FAM110C: variants seen among roughly 807,000 people sequenced by gnomAD.
FAM110C encodes family with sequence similarity 110 member C, also known as protein FAM110C.
Under a neutral mutation model 15.7 loss-of-function variants are expected in FAM110C, and 19 were observed. That is an observed-to-expected ratio of 1.21 (90% CI 0.85 to 1.78). The LOEUF is 1.78. Among genes scored for constraint, FAM110C ranks in the 40% most tolerant of loss-of-function variants. The pLI, the probability that FAM110C is intolerant of heterozygous loss-of-function variation, is 0.00. For missense variants in FAM110C, 547 were observed against 495.7 expected (o/e 1.10, Z -0.98); for synonymous variants, 275 against 233.9 (o/e 1.18, Z -1.61).
Position 41,470 on chromosome 2 carries a change from T to C in FAM110C, c.*138A>G. On this transcript the variant is annotated 3_prime_UTR_variant, in exon 2 of 2. Coordinates refer to ENST00000327669, the MANE Select transcript of FAM110C (RefSeq NM_001077710.3). ...TGTTCCCATATTCTCTGTAGTATTT[T>C]AAACCTTCTCAGAGCACTTGTTTTG... 1 of 957,182 alleles carries C rather than the reference T, an allele frequency of 1.0e-6. No homozygotes were observed. The highest frequency in any genetic ancestry group is 2.5e-5 in the Admixed American group (1 of 39,800). 59.3% of individuals were successfully genotyped at this position (957,182 alleles called of 1,614,324 possible).
At chr2:42,821 C>G (rs1163734763) in intron 1 of FAM110C, 1 of 985,256 alleles carries the variant, frequency 1.0e-6, no homozygotes, top group Non-Finnish European at 1.2e-6. Context: ...TTGTTCGTCT[C>G]AAGTTTTCTG....
chr2:43,768 G>T (rs1664193466), intron 1 of FAM110C: 2 of 985,392 alleles, frequency 2.0e-6, no homozygotes, highest in Non-Finnish European at 2.4e-6. Flanking sequence ...GCCTGCACAT[G>T]CTATGGCTAC....
At chr2:43,831 T>A in intron 1 of FAM110C, 1 of 985,446 alleles carries the variant, frequency 1.0e-6, no homozygotes, top group South Asian at 4.7e-5. Context: ...ATAGACAACT[T>A]TTTTTTGTTT....
At position 45,648 on chromosome 2, in the gene FAM110C, G is replaced by A. The variant is rs577537646; in HGVS notation, c.738C>T (p.Leu246=). 14 of 1,612,246 alleles carry A rather than the reference G, an allele frequency of 8.7e-6. 1 individual carries two copies. In the South Asian group the frequency reaches 1.4e-4, roughly 16 times the overall value. Residue 246 remains leucine (L), a synonymous_variant, in exon 1 of 2, where the codon CTC becomes CTT. Coordinates refer to ENST00000327669, the MANE Select transcript of FAM110C (RefSeq NM_001077710.3). ...NFTAGSDCVT[L]KVRSVSVATS... ...TGGCGACGCTCACGCTGCGCACCTT[G>A]AGGGTCACACAGTCCGACCCCGCGG...
rs1243591996 is a variant in FAM110C, at chr2:45,618, G to A, written c.768C>T (p.Ser256=). 5 of 1,613,062 alleles carry A rather than the reference G, an allele frequency of 3.1e-6. No homozygotes were observed. Among genetic ancestry groups the A allele is most frequent in the African/African-American group, 2.7e-5 (2 of 74,928 alleles). Reference sequence around the variant, plus strand: ...CGCTGTGCCGGGAGAAGCCGCTGCCGGAGGTGGCGACGCTCACGCTGCGCA... The same window carrying A: ...CGCTGTGCCGGGAGAAGCCGCTGCCAGAGGTGGCGACGCTCACGCTGCGCA... The part of the protein sequence containing the change: ...LKVRSVSVAT[S]GSGFSRHSGG... Residue 256 remains serine, a synonymous_variant, in exon 1 of 2, where the codon TCC becomes TCT. Coordinates refer to ENST00000327669, the MANE Select transcript of FAM110C (RefSeq NM_001077710.3).
chr2:44,623 G>A, intron 1 of FAM110C: 1 of 985,414 alleles, frequency 1.0e-6, no homozygotes, highest in Non-Finnish European at 1.2e-6. Context: ...CGCCCATAGG[G>A]AAGAGCAGGT....
chr2:45,915 G>A lies in FAM110C; in HGVS notation c.471C>T (p.Gly157=). The change falls in exon 1 of 2, where the codon GGC becomes GGT. Residue 157 remains glycine (G), a synonymous_variant. Transcript: ENST00000327669. The part of the protein sequence containing the change: ...GNPETVPTTP[G]PAADPAIPET... Reference sequence around the variant, plus strand: ...CGGGGATTGCGGGGTCCGCCGCGGGGCCAGGAGTGGTCGGGACCGTCTCCG... The same window carrying A: ...CGGGGATTGCGGGGTCCGCCGCGGGACCAGGAGTGGTCGGGACCGTCTCCG... The A allele has an allele frequency of 1.4e-6, 2 of 1,423,612 alleles. No homozygotes were observed. Among genetic ancestry groups the A allele is most frequent in the Non-Finnish European group, 1.8e-6 (2 of 1,103,080 alleles). 88.2% of individuals were successfully genotyped at this position (1,423,612 alleles called of 1,614,324 possible).
In FAM110C at chr2:39,782, C is replaced by G. The variant is rs1286545631; in HGVS notation, c.*1826G>C. 6.6e-6 allele frequency: 1 copy of G among 152,204 alleles called. No individual in the cohort carries two copies. The highest frequency in any genetic ancestry group is 6.5e-5 in the Admixed American group (1 of 15,280). 9.4% of individuals were successfully genotyped at this position (152,204 alleles called of 1,614,324 possible). ...TGTTCTGACAGTAGAAAGGCATACA[C>G]ACTTTTACTTAAAGCTTTCATATCT... On this transcript the variant is annotated 3_prime_UTR_variant, in exon 2 of 2. Transcript: ENST00000327669.
Position 45,644 on chromosome 2 carries a change from C to A in FAM110C, c.742G>T (p.Val248Leu). Reference sequence around the variant, plus strand: ...GAGGTGGCGACGCTCACGCTGCGCACCTTGAGGGTCACACAGTCCGACCCC... The same window carrying A: ...GAGGTGGCGACGCTCACGCTGCGCAACTTGAGGGTCACACAGTCCGACCCC... ...TAGSDCVTLK[V>L]RSVSVATSGS... The change falls in exon 1 of 2, where the codon GTG (valine) becomes TTG (leucine). Residue 248 changes from valine to leucine, a missense_variant. Transcript: ENST00000327669. 1 of 1,612,406 alleles carries A rather than the reference C, an allele frequency of 6.2e-7. No homozygotes were observed. The highest frequency in any genetic ancestry group is 1.1e-5 in the South Asian group (1 of 90,912).
chr2:45,280 A>C (rs1413798743), intron 1 of FAM110C, 160 bp downstream of exon 1: 1 of 985,246 alleles, frequency 1.0e-6, no homozygotes, highest in Admixed American at 6.1e-5. Context: ...CTCAACTCAC[A>C]AGCCTCTGCG....
At chr2:42,063 G>A (rs1278999007) in intron 1 of FAM110C, 8 of 985,402 alleles carry the variant, frequency 8.1e-6, no homozygotes, top group Non-Finnish European at 9.6e-6. Context: ...AGGCCCAGGC[G>A]CGGGTCACAC....
chr2:41,867 C>T lies in FAM110C; in HGVS notation c.947-240G>A, dbSNP rs545766786. The stretch of plus-strand genomic sequence containing the variant: ...CCATCTCCCTGCAGGCCTTTTTCTG[C>T]GCTTTAAAAATTTCTCTTTGCCTCC... On this transcript the variant is annotated intron_variant, in intron 1 of 1. Transcript: ENST00000327669. 1.4e-4 allele frequency: 135 copies of T among 985,336 alleles called. 1 individual carries two copies. The highest frequency in any genetic ancestry group is 9.2e-4 in the African/African-American group (53 of 57,336). 61.0% of individuals were successfully genotyped at this position (985,336 alleles called of 1,614,324 possible).
Position 39,070 on chromosome 2 carries a change from A to G in FAM110C, c.*2538T>C, listed in dbSNP as rs949648782. On this transcript the variant is annotated 3_prime_UTR_variant, in exon 2 of 2. Transcript: ENST00000327669. ...AGTTTAAAACATTCTATTATGTTTA[A>G]TTACATTTTGAAAAATTGTCGTTCT... 3.3e-5 allele frequency: 5 copies of G among 152,234 alleles called. No homozygotes were observed. Among genetic ancestry groups the G allele is most frequent in the Admixed American group, 2.0e-4 (3 of 15,280 alleles). 9.4% of individuals were successfully genotyped at this position (152,234 alleles called of 1,614,324 possible).
rs1664064988 is a variant in FAM110C at position 39,256 on chromosome 2, T to G, written c.*2352A>C. 6.6e-6 allele frequency: 1 copy of G among 152,194 alleles called. No individual in the cohort carries two copies. Among genetic ancestry groups the G allele is most frequent in the Non-Finnish European group, 1.5e-5 (1 of 68,034 alleles). 9.4% of individuals were successfully genotyped at this position (152,194 alleles called of 1,614,324 possible). ...GGTTTAGGCAAGAAGTTCTTTAGTT[T>G]TACTTTTTATATATATTTTTAGAGA... On this transcript the variant is annotated 3_prime_UTR_variant, in exon 2 of 2. Transcript: ENST00000327669.
rs1402937943 is a variant in FAM110C at position 41,537 on chromosome 2, G to A, written c.*71C>T. Reference sequence around the variant, plus strand: ...TTCCTGGTAAAACAGCAATCATGTGGTCACCTAGGCACACTAGCCAAATGG... The same window carrying A: ...TTCCTGGTAAAACAGCAATCATGTGATCACCTAGGCACACTAGCCAAATGG... On this transcript the variant is annotated 3_prime_UTR_variant, in exon 2 of 2. Transcript: ENST00000327669. 2 of 1,556,986 alleles carry A rather than the reference G, an allele frequency of 1.3e-6. No individual in the cohort carries two copies. Among genetic ancestry groups the A allele is most frequent in the African/African-American group, 1.4e-5 (1 of 72,900 alleles).
intron 1 of FAM110C, chr2:43,032 C>T: frequency 1.0e-6 from 1 of 985,482 alleles, no homozygotes; most frequent in Non-Finnish European, 1.2e-6. Flanking sequence ...CCAGTGGGAA[C>T]ACCAGTGCTG....
rs1275943147 is a variant in FAM110C at position 41,107 on chromosome 2, G to A, written c.*501C>T. ...GCAATTGGGGTCAGCATGTGTGAGTGTGTGTGTTTACTCTTATTTGACCAC... is the reference window on the plus strand; with the variant it reads ...GCAATTGGGGTCAGCATGTGTGAGTATGTGTGTTTACTCTTATTTGACCAC... On this transcript the variant is annotated 3_prime_UTR_variant, in exon 2 of 2. Coordinates refer to ENST00000327669, the MANE Select transcript of FAM110C (RefSeq NM_001077710.3). 6.5e-6 allele frequency: 1 copy of A among 152,816 alleles called. No homozygotes were observed. Among genetic ancestry groups the A allele is most frequent in the Non-Finnish European group, 1.5e-5 (1 of 68,502 alleles). The allele number at this position is 152,816 out of a possible 1,614,324, so 9.5% of individuals were successfully genotyped here. A position where few individuals can be genotyped will look rare whatever the true frequency, so the allele number is the denominator to read the frequency against.
chr2:45,462 G>A lies in FAM110C; in HGVS notation c.924C>T (p.Ser308=). 1.2e-6 allele frequency: 2 copies of A among 1,612,746 alleles called. No individual in the cohort carries two copies. Among genetic ancestry groups the A allele is most frequent in the Non-Finnish European group, 8.5e-7 (1 of 1,179,064 alleles). ...YTCKKAKETP[S]QEQSRTRGSK... is the part of the protein sequence containing the mutation. Reference sequence around the variant, plus strand: ...CACCTCGGGTCCGGCTCTGCTCCTGGCTGGGGGTCTCCTTGGCCTTCTTAC... The same window carrying A: ...CACCTCGGGTCCGGCTCTGCTCCTGACTGGGGGTCTCCTTGGCCTTCTTAC... Residue 308 remains serine (S), a synonymous_variant, in exon 1 of 2, where the codon AGC becomes AGT. Coordinates refer to ENST00000327669, the MANE Select transcript of FAM110C (RefSeq NM_001077710.3).
At chr2:43,567 G>A (rs1572062218) in intron 1 of FAM110C, 13 of 985,306 alleles carry the variant, frequency 1.3e-5, no homozygotes, top group Non-Finnish European at 1.6e-5. Context: ...TTAGGATTTA[G>A]TCTATGAAGT....
Sources: gnomAD v4.1 joint callset for allele counts on GRCh38, gnomAD v4.1.1 for gene constraint, MANE v1.5 for transcripts, NCBI Gene and HGNC (gene_info 2026-07-23, HGNC 2026-07-21) for gene names.